The following DEPTOR variants were observed in gnomAD, a reference collection of about 807,000 sequenced individuals.
DEPTOR encodes the protein DEP domain-containing mTOR-interacting protein.
Under a neutral mutation model 41.6 loss-of-function variants are expected in DEPTOR, and 41 were observed. That is an observed-to-expected ratio of 0.98 (90% CI 0.77 to 1.28). DEPTOR has a LOEUF of 1.28. DEPTOR is among the 50% of genes most tolerant of loss of function. The pLI, the probability that DEPTOR is intolerant of heterozygous loss-of-function variation, is 0.00. For missense variants in DEPTOR, 514 were observed against 527.9 expected, an observed-to-expected ratio of 0.97 and a Z score of 0.26; for synonymous variants, 195 against 192.3, an observed-to-expected ratio of 1.01 and a Z score of -0.12.
intron 8 of DEPTOR, among the ~76,000 whole-genome samples, chr8:120,024,165 A>T (rs1412023615): frequency 6.6e-6 from 1 of 152,158 alleles, no homozygotes; most frequent in East Asian, 1.9e-4. Flanking sequence ...TGACCCTGGG[A>T]GGTGGAGGTT....
At chr8:119,973,769 C>T (rs1277735026) in intron 4 of DEPTOR, among the ~76,000 whole-genome samples, 1 of 152,188 alleles carries the variant, frequency 6.6e-6, no homozygotes, top group African/African-American at 2.4e-5. Context: ...ACACTAAGCC[C>T]TCTTTCTTTT....
At chr8:119,936,159 C>T (rs1828110572) in intron 3 of DEPTOR, among the ~76,000 whole-genome samples, 1 of 152,146 alleles carries the variant, frequency 6.6e-6, no homozygotes, top group Admixed American at 6.5e-5. Context: ...TATTGAATTC[C>T]TACTGCTTCC....
intron 3 of DEPTOR, among the ~76,000 whole-genome samples, chr8:119,942,047 C>T (rs1433540653): frequency 6.6e-6 from 1 of 152,098 alleles, no homozygotes; most frequent in Non-Finnish European, 1.5e-5. Flanking sequence ...TGTAATGCCC[C>T]CCTCCCCCTG....
chr8:119,960,098 C>T (rs993444568), intron 3 of DEPTOR, among the ~76,000 whole-genome samples: 4 of 151,864 alleles, frequency 2.6e-5, no homozygotes, highest in African/African-American at 9.7e-5. Context: ...GTGGCACACG[C>T]CTGTAATCCC....
chr8:120,038,731 T>C (rs1214128329), intron 8 of DEPTOR, among the ~76,000 whole-genome samples: 2 of 152,198 alleles, frequency 1.3e-5, no homozygotes, highest in East Asian at 3.8e-4. Context: ...GATTATCCAC[T>C]GCTCAGGGGG....
rs983559477 is a variant in DEPTOR, at chr8:119,874,231, G to A, written c.122+263G>A. 8 of 501,402 alleles carry A rather than the reference G, an allele frequency of 1.6e-5. No homozygotes were observed. In the East Asian group the frequency reaches 2.1e-4, roughly 13 times the overall value. The allele number at this position is 501,402 out of a possible 1,614,324, so 31.1% of individuals were successfully genotyped here. A position where few individuals can be genotyped will look rare whatever the true frequency, so the allele number is the denominator to read the frequency against. On this transcript the variant is annotated intron_variant, in intron 1 of 8. Transcript: ENST00000286234. ...GCTGCGCCCTAGCCTGGCTGCTGCA[G>A]TCCTGTGCCGGGCAAAGTCCCTGCC...
intron 1 of DEPTOR, among the ~76,000 whole-genome samples, chr8:119,905,055 G>C (rs1827645084): frequency 7.5e-6 from 1 of 132,856 alleles, no homozygotes; most frequent in South Asian, 2.4e-4. Context: ...CAGTCCTCCT[G>C]CCTTGGCCTC....
At chr8:119,982,312 CT>C (rs771452060) in intron 4 of DEPTOR, among the ~76,000 whole-genome samples, 1 of 152,116 alleles carries the variant, frequency 6.6e-6, no homozygotes, top group Non-Finnish European at 1.5e-5. Context: ...GAAGCCATGT[CT>C]TCTGACAGCT....
intron 8 of DEPTOR, among the ~76,000 whole-genome samples, chr8:120,038,039 G>A (rs577180939): frequency 6.6e-6 from 1 of 152,044 alleles, no homozygotes; most frequent in African/African-American, 2.4e-5. Flanking sequence ...GGCCAAGGCG[G>A]GTGGATCGCT....
At chr8:119,898,805 C>T (rs7823280) in intron 1 of DEPTOR, among the ~76,000 whole-genome samples, 124,547 of 152,034 alleles carry the variant, frequency 0.82, 51,361 homozygotes, top group East Asian at 0.95. Flanking sequence ...GTAAATACTT[C>T]ACTTAAATAG....
chr8:119,941,501 A>C (rs1828203753), intron 3 of DEPTOR, among the ~76,000 whole-genome samples: 1 of 152,126 alleles, frequency 6.6e-6, no homozygotes, highest in African/African-American at 2.4e-5. Flanking sequence ...GGGAACATAC[A>C]GGCTTATCTT....
chr8:119,932,135 C>A (rs1004944954), intron 3 of DEPTOR, among the ~76,000 whole-genome samples: 1 of 151,840 alleles, frequency 6.6e-6, no homozygotes, highest in Non-Finnish European at 1.5e-5. Context: ...ACTTATGCTA[C>A]CATGTCCAGC....
chr8:119,911,854 A>G (rs1827749366), intron 1 of DEPTOR, among the ~76,000 whole-genome samples: 1 of 152,172 alleles, frequency 6.6e-6, no homozygotes, highest in African/African-American at 2.4e-5. Context: ...TCTGTACTAC[A>G]CTATGGTTTC....
At chr8:119,942,985 T>G (rs1828223012) in intron 3 of DEPTOR, among the ~76,000 whole-genome samples, 1 of 152,258 alleles carries the variant, frequency 6.6e-6, no homozygotes, top group South Asian at 2.1e-4. Context: ...CTTCCTATAC[T>G]AGAATTGTAT....
At chr8:120,028,197 C>G (rs945153579) in intron 8 of DEPTOR, among the ~76,000 whole-genome samples, 6 of 151,918 alleles carry the variant, frequency 3.9e-5, no homozygotes, top group African/African-American at 1.5e-4. Context: ...GCTCTGTCAC[C>G]CAGGCTGGCA....
chr8:119,989,100 T>A (rs1361314917), intron 4 of DEPTOR, among the ~76,000 whole-genome samples: 2 of 151,874 alleles, frequency 1.3e-5, no homozygotes. Context: ...CGTGCCTGGC[T>A]GCCACATTCT....
chr8:119,980,707 A>G (rs1180722199), intron 4 of DEPTOR, among the ~76,000 whole-genome samples: 2 of 151,852 alleles, frequency 1.3e-5, no homozygotes, highest in Non-Finnish European at 2.9e-5. Context: ...TAACAGAGAC[A>G]GGGTTTCACC....
chr8:120,002,776 C>CAAAAAAAA (rs1173820465), intron 5 of DEPTOR, among the ~76,000 whole-genome samples: 4 of 54,440 alleles, frequency 7.3e-5, no homozygotes, highest in East Asian at 6.5e-4. Flanking sequence ...GACTCCATCT[C>CAAAAAAAA]AAAAAAAAAA....
rs772853878 is a variant in DEPTOR, at chr8:119,965,274, G to A, written c.468G>A (p.Glu156=). 6 of 1,614,112 alleles carry A rather than the reference G, an allele frequency of 3.7e-6. No individual in the cohort carries two copies. The Admixed American group carries it at 1.0e-4, about 27-fold the overall frequency. ...PENTLLQPRE[E]EGVKYERTFM... is the part of the protein sequence containing the mutation. ...ACACACTCCTGCAGCCCAGGGAGGA[G>A]GAAGGGGTCAAGTATGAGCGCACCT... The change falls in exon 4 of 9, where the codon GAG becomes GAA. Residue 156 remains glutamate, a synonymous_variant. Coordinates refer to ENST00000286234, the MANE Select transcript of DEPTOR (RefSeq NM_022783.4).
Sources: allele counts gnomAD v4.1 joint callset (sites outside exome capture counted in the v4.1 genomes callset), GRCh38; gene constraint gnomAD v4.1.1; transcripts MANE v1.5; gene names NCBI Gene and HGNC (gene_info 2026-07-23, HGNC 2026-07-21).